Variants in PDGFC observed in about 807,000 individuals in gnomAD.
The protein encoded by PDGFC is platelet derived growth factor C.
In PDGFC, 12 loss-of-function variants were observed where a neutral mutation model predicts 35.5. The ratio of observed to expected loss-of-function variants is 0.34; its 90% CI spans 0.22 to 0.55. The LOEUF is 0.55. Among genes scored for constraint, PDGFC ranks in the 20% least tolerant of loss-of-function variants. The probability of loss-of-function intolerance (pLI) is 0.91; values close to 1 mark genes in which losing one functional copy is unlikely to be tolerated. For synonymous variants in PDGFC, 159 were observed against 148.8 expected, an observed-to-expected ratio of 1.07 and a Z score of -0.50; for missense variants, 322 against 412.4, an observed-to-expected ratio of 0.78 and a Z score of 1.90.
intron 2 of PDGFC, among the ~76,000 whole-genome samples, chr4:156,846,011 G>C (rs1729317261): frequency 6.6e-6 from 1 of 151,562 alleles, no homozygotes; most frequent in Non-Finnish European, 1.5e-5. Context: ...AGATGCAGCA[G>C]AAATTAAAAT....
At chr4:156,768,743 C>T (rs1428466930) in intron 4 of PDGFC, among the ~76,000 whole-genome samples, 2 of 152,022 alleles carry the variant, frequency 1.3e-5, no homozygotes, top group African/African-American at 2.4e-5. Flanking sequence ...CCAGCCTCTA[C>T]TCCTTTAGCA....
At chr4:156,942,369 GA>G (rs1731830263) in intron 1 of PDGFC, among the ~76,000 whole-genome samples, 1 of 151,924 alleles carries the variant, frequency 6.6e-6, no homozygotes, top group Admixed American at 6.6e-5. Context: ...ACAAAGCATA[GA>G]ATCACTATAA....
chr4:156,866,751 ATTAT>A (rs1729852866), intron 1 of PDGFC, among the ~76,000 whole-genome samples: 1 of 151,984 alleles, frequency 6.6e-6, no homozygotes, highest in African/African-American at 2.4e-5. Flanking sequence ...ATATTTAAGT[ATTAT>A]ATACACAATC....
intron 1 of PDGFC, among the ~76,000 whole-genome samples, chr4:156,954,004 G>A (rs934903682): frequency 1.3e-5 from 2 of 151,902 alleles, no homozygotes; most frequent in Non-Finnish European, 2.9e-5. Flanking sequence ...AAATGAACAT[G>A]AAAATAAATA....
At chr4:156,797,249 G>GA (rs1029655582) in intron 3 of PDGFC, among the ~76,000 whole-genome samples, 24 of 140,842 alleles carry the variant, frequency 1.7e-4, no homozygotes, top group East Asian at 1.4e-3. Flanking sequence ...AAAAAAAAAA[G>GA]AAAAAAAAAA....
At chr4:156,827,194 G>T (rs1462084696) in intron 2 of PDGFC, among the ~76,000 whole-genome samples, 3 of 152,120 alleles carry the variant, frequency 2.0e-5, no homozygotes, top group Admixed American at 6.5e-5. Context: ...AAGGTGGGCG[G>T]AACACGAGGT....
chr4:156,821,011 A>C (rs1732237912), intron 2 of PDGFC, among the ~76,000 whole-genome samples: 1 of 152,174 alleles, frequency 6.6e-6, no homozygotes, highest in Non-Finnish European at 1.5e-5. Flanking sequence ...AGAAGAAACA[A>C]ACGATCCTTA....
At chr4:156,793,787 T>C (rs1457397516) in intron 3 of PDGFC, among the ~76,000 whole-genome samples, 3 of 151,110 alleles carry the variant, frequency 2.0e-5, no homozygotes, top group Non-Finnish European at 4.4e-5. Context: ...ATCCTCATGA[T>C]AATATATGGC....
rs183567346 is a variant in PDGFC at position 156,916,454 on chromosome 4, A to G, written c.118+54332T>C. ...AGGTACTATTGCTTTCCACAACTCTATAAATCCAGACCTTATGTCTTCCTT... is the reference window on the plus strand; with the variant it reads ...AGGTACTATTGCTTTCCACAACTCTGTAAATCCAGACCTTATGTCTTCCTT... On this transcript the variant is annotated intron_variant, in intron 1 of 5. Coordinates refer to ENST00000502773, the MANE Select transcript of PDGFC (RefSeq NM_016205.3). Among the ~76,000 whole-genome samples the G allele has an allele frequency of 9.8e-4, 149 of 152,324 alleles. 1 individual carries two copies. The highest frequency in any genetic ancestry group is 3.4e-3 in the African/African-American group (142 of 41,576).
At chr4:156,882,610 T>C (rs1226563427) in intron 1 of PDGFC, among the ~76,000 whole-genome samples, 1 of 152,184 alleles carries the variant, frequency 6.6e-6, no homozygotes, top group Non-Finnish European at 1.5e-5. Context: ...GACAACTGCA[T>C]GTTGATAGGG....
chr4:156,803,189 G>A (rs1311008346), intron 3 of PDGFC, among the ~76,000 whole-genome samples: 1 of 152,078 alleles, frequency 6.6e-6, no homozygotes, highest in Non-Finnish European at 1.5e-5. Flanking sequence ...AAAACCAAAT[G>A]TGTCTGAGTG....
intron 5 of PDGFC, among the ~76,000 whole-genome samples, chr4:156,766,889 C>A (rs549188595): frequency 1.3e-5 from 2 of 152,168 alleles, no homozygotes; most frequent in African/African-American, 4.8e-5. Flanking sequence ...TTAAGGATTT[C>A]ACTGAAATCT....
chr4:156,841,508 T>G (rs549055562), intron 2 of PDGFC: 1 of 152,134 alleles, frequency 6.6e-6, no homozygotes, highest in South Asian at 2.1e-4. Context: ...GGCAGTTTTT[T>G]TTTTTTTTTT....
intron 3 of PDGFC, among the ~76,000 whole-genome samples, chr4:156,773,936 C>A (rs1048911425): frequency 6.6e-6 from 1 of 152,166 alleles, no homozygotes; most frequent in African/African-American, 2.4e-5. Context: ...TCTTCCTTTT[C>A]ATTCTCATTA....
At chr4:156,895,091 A>T (rs1337874462) in intron 1 of PDGFC, among the ~76,000 whole-genome samples, 1 of 152,150 alleles carries the variant, frequency 6.6e-6, no homozygotes, top group African/African-American at 2.4e-5. Flanking sequence ...AGCTACTACT[A>T]TATGCATCCT....
chr4:156,771,177 C>T (rs1339795511), intron 4 of PDGFC, among the ~76,000 whole-genome samples: 2 of 152,150 alleles, frequency 1.3e-5, no homozygotes, highest in South Asian at 4.1e-4. Context: ...CTTTTGAATG[C>T]AGGCTAGCCT....
At chr4:156,764,025 G>A (rs1361369291) in intron 5 of PDGFC, among the ~76,000 whole-genome samples, 1 of 152,166 alleles carries the variant, frequency 6.6e-6, no homozygotes, top group African/African-American at 2.4e-5. Flanking sequence ...CTATTTAAGT[G>A]TATTACATTT....
intron 1 of PDGFC, among the ~76,000 whole-genome samples, chr4:156,893,885 C>G (rs1730571991): frequency 6.6e-6 from 1 of 152,080 alleles, no homozygotes; most frequent in Non-Finnish European, 1.5e-5. Flanking sequence ...CCACAAAAAG[C>G]ATGCCAAAGG....
At chr4:156,831,191 G>T (rs931671881) in intron 2 of PDGFC, among the ~76,000 whole-genome samples, 10 of 152,060 alleles carry the variant, frequency 6.6e-5, no homozygotes, top group Admixed American at 6.6e-4. Context: ...CACAGAGTAG[G>T]CAATCGACTA....
Sources: allele counts gnomAD v4.1 joint callset (sites outside exome capture counted in the v4.1 genomes callset), GRCh38; gene constraint gnomAD v4.1.1; transcripts MANE v1.5; gene names NCBI Gene and HGNC (gene_info 2026-07-23, HGNC 2026-07-21).